Variants in ECT2L observed in about 807,000 individuals in gnomAD.
The protein encoded by ECT2L is epithelial cell transforming 2 like, also known as epithelial cell-transforming sequence 2 oncogene-like.
ECT2L carries 126 observed loss-of-function variants against 122.8 expected under a neutral mutation model. That is an observed-to-expected ratio of 1.03 (90% confidence interval 0.89 to 1.19). The LOEUF (loss-of-function observed/expected upper bound fraction) is 1.19. ECT2L is among the 50% of genes most tolerant of loss of function. ECT2L has a pLI of 0.00. For synonymous variants in ECT2L, 385 were observed against 381.8 expected, an observed-to-expected ratio of 1.01 and a Z score of -0.10; for missense variants, 1,012 against 1,064.1, an observed-to-expected ratio of 0.95 and a Z score of 0.68.
chr6:138,864,883 C>T (rs1777970234), intron 11 of ECT2L, 113 bp from the exon 12 acceptor site: 5 of 992,018 alleles, frequency 5.0e-6, no homozygotes, highest in South Asian at 2.0e-5. Flanking sequence ...TAATGAGAAA[C>T]GATAATAAAC....
chr6:138,855,270 G>A (rs530497710), intron 10 of ECT2L, among the ~76,000 whole-genome samples: 38 of 152,190 alleles, frequency 2.5e-4, no homozygotes, highest in Non-Finnish European at 4.1e-4. Context: ...TACTTTGGGA[G>A]GCCAAGGTGG....
chr6:138,812,788 G>C (rs1331563705), intron 1 of ECT2L, 50 bp from the exon 2 acceptor site: 1 of 153,734 alleles, frequency 6.5e-6, no homozygotes, highest in Non-Finnish European at 1.4e-5. Context: ...CTGGACAACA[G>C]AGCGAGACTC....
chr6:138,897,842 G>GA (rs1779268363), intron 20 of ECT2L, among the ~76,000 whole-genome samples: 1 of 152,038 alleles, frequency 6.6e-6, no homozygotes, highest in Admixed American at 6.6e-5. Context: ...CACAAAACTG[G>GA]AATTCTCTTT....
chr6:138,805,286 G>A (rs1283559345), intron 1 of ECT2L, among the ~76,000 whole-genome samples: 1 of 152,166 alleles, frequency 6.6e-6, no homozygotes, highest in Admixed American at 6.5e-5. Context: ...CATCTTCTTG[G>A]TGATATATTT....
chr6:138,842,704 G>A (rs963046677), intron 5 of ECT2L, among the ~76,000 whole-genome samples: 5 of 144,450 alleles, frequency 3.5e-5, no homozygotes, highest in Non-Finnish European at 6.1e-5. Flanking sequence ...CCCGGGAGGC[G>A]GAGCTTGCAA....
In ECT2L at chr6:138,861,744, G is replaced by A. The variant is rs1349174396; in HGVS notation, c.1199-883G>A. 3.3e-5 allele frequency among the ~76,000 whole-genome samples: 5 copies of A among 152,116 alleles called. No individual in the cohort carries two copies. In the East Asian group the frequency reaches 7.7e-4, roughly 23 times the overall value. ...TTTTTAGTTTAATTAGATCCCACTTGTCAATTCTGGCTTTTGTTGCAATTG... is the reference window on the plus strand; with the variant it reads ...TTTTTAGTTTAATTAGATCCCACTTATCAATTCTGGCTTTTGTTGCAATTG... On this transcript the variant is annotated intron_variant, in intron 10 of 21. Coordinates refer to ENST00000541398, the MANE Select transcript of ECT2L (RefSeq NM_001077706.3).
At position 138,843,188 on chromosome 6, in the gene ECT2L, G is replaced by C. The variant is rs1239399117; in HGVS notation, c.552G>C (p.Lys184Asn). The change falls in exon 6 of 22, where the codon AAG (lysine) becomes AAC (asparagine). Residue 184 changes from lysine to asparagine, a missense_variant. Lys to Asn is a moderately conservative substitution (Grantham distance 94, BLOSUM62 0). Coordinates refer to ENST00000541398, the MANE Select transcript of ECT2L (RefSeq NM_001077706.3). ...AACTACTGGAGAGACAAAGAGAAAA[G>C]TGCCTGAGGAAAAGAATTTGGGAGA... ...DEELLERQRE[K>N]CLRKRIWEKI... 3 of 1,611,176 alleles carry C rather than the reference G, an allele frequency of 1.9e-6. No individual in the cohort carries two copies.
At chr6:138,839,521 G>A (rs1465049173) in intron 5 of ECT2L, among the ~76,000 whole-genome samples, 1 of 151,906 alleles carries the variant, frequency 6.6e-6, no homozygotes, top group East Asian at 1.9e-4. Context: ...GCACTACCAC[G>A]TCCAGCTAAT....
intron 1 of ECT2L, among the ~76,000 whole-genome samples, chr6:138,811,982 C>T (rs910324142): frequency 2.0e-5 from 3 of 152,076 alleles, no homozygotes; most frequent in Non-Finnish European, 2.9e-5. Flanking sequence ...AACCACTGCA[C>T]CCGGCTCAGT....
intron 4 of ECT2L, among the ~76,000 whole-genome samples, chr6:138,837,500 T>C (rs1417548033): frequency 6.6e-6 from 1 of 152,180 alleles, no homozygotes; most frequent in African/African-American, 2.4e-5. Context: ...CATTTCAGAA[T>C]GTGGCCAGCT....
chr6:138,814,572 AT>A lies in ECT2L; in HGVS notation c.155del (p.Leu52Ter). 6 of 1,611,996 alleles carry A rather than the reference AT, an allele frequency of 3.7e-6. No homozygotes were observed. Among genetic ancestry groups the A allele is most frequent in the Non-Finnish European group, 5.1e-6 (6 of 1,178,554 alleles). ...NKQRQEFLFA[I>X]FLRCTKSQLR... is the part of the protein sequence containing the mutation. ...GCAACGTCAAGAATTCTTATTCGCA[AT>A]TTTTTTAAGATGCACTAAATCACAA... On this transcript the variant is annotated frameshift_variant, in exon 4 of 22. Transcript: ENST00000541398. LOFTEE classifies it high-confidence loss of function.
chr6:138,876,600 C>A, intron 14 of ECT2L, 42 bp downstream of exon 14: 1 of 1,343,976 alleles, frequency 7.4e-7, no homozygotes, highest in East Asian at 2.5e-5. Context: ...GGTTTTGCTC[C>A]TGATAGTGAA....
chr6:138,813,409 C>A, intron 3 of ECT2L, 69 bp downstream of exon 3: 2 of 1,174,448 alleles, frequency 1.7e-6, no homozygotes, highest in South Asian at 1.4e-5. Context: ...TATATTGGGT[C>A]TCATGTTGCC....
At chr6:138,847,992 C>A (rs2128392356) in intron 8 of ECT2L, among the ~76,000 whole-genome samples, 1 of 152,262 alleles carries the variant, frequency 6.6e-6, no homozygotes, top group South Asian at 2.1e-4. Flanking sequence ...AAGCAAGGAC[C>A]TTCTTCACAT....
In ECT2L at chr6:138,842,966, CTT is replaced by C. The variant is rs1777092999; in HGVS notation, c.343-12_343-11del. 2 of 1,470,450 alleles carry C rather than the reference CTT, an allele frequency of 1.4e-6. No individual in the cohort carries two copies. The highest frequency in any genetic ancestry group is 2.3e-5 in the East Asian group (1 of 43,148). 91.1% of individuals were successfully genotyped at this position (1,470,450 alleles called of 1,614,324 possible). On this transcript the variant is annotated splice_polypyrimidine_tract_variant and intron_variant, in intron 5 of 21. Transcript: ENST00000541398. ...AAAACAATTTGTGACTCATCTTCCT[CTT>C]GTTTCTGAAGGATTGCTTATGGATG...
chr6:138,889,009 G>T lies in ECT2L; in HGVS notation c.2392G>T (p.Glu798Ter). 1 of 1,548,890 alleles carries T rather than the reference G, an allele frequency of 6.5e-7. No individual in the cohort carries two copies. The highest frequency in any genetic ancestry group is 1.4e-5 in the African/African-American group (1 of 73,262). ...QDVAQLHCCD[E>*]EISFSLRLYE... ...TGTAGCCCAACTTCATTGCTGTGAT[G>T]AAGAAATAAGTTTCTCTTTAAGGTA... Residue 798 changes from glutamate to a stop codon, truncating the protein, a stop_gained, in exon 20 of 22, where the codon GAA becomes TAA. Coordinates refer to ENST00000541398, the MANE Select transcript of ECT2L (RefSeq NM_001077706.3). LOFTEE classifies it high-confidence loss of function.
intron 6 of ECT2L, among the ~76,000 whole-genome samples, chr6:138,843,508 G>T (rs1777115475): frequency 6.6e-6 from 1 of 152,134 alleles, no homozygotes; most frequent in Non-Finnish European, 1.5e-5. Flanking sequence ...AGAGGATAAA[G>T]ATGTTTGAAC....
intron 13 of ECT2L, among the ~76,000 whole-genome samples, chr6:138,874,696 T>A (rs1345947092): frequency 1.3e-5 from 2 of 152,286 alleles, no homozygotes; most frequent in African/African-American, 4.8e-5. Flanking sequence ...ATCTGTGAGA[T>A]CCACAATACA....
intron 16 of ECT2L, 100 bp downstream of exon 16, chr6:138,882,971 C>T (rs1003355548): frequency 2.6e-5 from 33 of 1,257,518 alleles, no homozygotes; most frequent in Non-Finnish European, 1.4e-5. Flanking sequence ...GGCTTCTCTG[C>T]TCTTAGCTCC....
Sources: allele counts gnomAD v4.1 joint callset (sites outside exome capture counted in the v4.1 genomes callset), GRCh38; gene constraint gnomAD v4.1.1; transcripts MANE v1.5; gene names NCBI Gene and HGNC (gene_info 2026-07-23, HGNC 2026-07-21).